Variants in HYDIN observed in about 807,000 individuals in gnomAD.
The protein encoded by HYDIN is HYDIN axonemal central pair apparatus protein.
In HYDIN, 132 loss-of-function variants were observed where a neutral mutation model predicts 403.9. The ratio of observed to expected loss-of-function variants is 0.33; its 90% CI spans 0.28 to 0.38. The LOEUF is 0.38. Ranked by LOEUF, HYDIN falls within the 10% of genes least tolerant of loss-of-function variation. The pLI is 1.00. For synonymous variants in HYDIN, 1,202 were observed against 1,891.7 expected, an observed-to-expected ratio of 0.64 and a Z score of 9.46; for missense variants, 2,827 against 5,009.5, an observed-to-expected ratio of 0.56 and a Z score of 13.15.
chr16:70,947,685 A>G (rs1358390446), intron 41 of HYDIN, among the ~76,000 whole-genome samples: 1 of 152,198 alleles, frequency 6.6e-6, no homozygotes, highest in East Asian at 1.9e-4. Flanking sequence ...GAGCCAAACC[A>G]TGAGTGAACT....
At chr16:71,069,989 A>G (rs189391820) in intron 13 of HYDIN, among the ~76,000 whole-genome samples, 246 of 152,350 alleles carry the variant, frequency 1.6e-3, no homozygotes, top group African/African-American at 5.7e-3. Flanking sequence ...TTGCCAAGAC[A>G]TGATAGAGTG....
chr16:71,185,637 C>A (rs745930562), intron 2 of HYDIN, among the ~76,000 whole-genome samples: 6 of 151,972 alleles, frequency 3.9e-5, no homozygotes, highest in Non-Finnish European at 8.8e-5. Context: ...ACACAAAATG[C>A]TTTTACCCTT....
intron 41 of HYDIN, among the ~76,000 whole-genome samples, chr16:70,944,151 T>C (rs2077773402): frequency 6.6e-6 from 1 of 152,246 alleles, no homozygotes; most frequent in African/African-American, 2.4e-5. Flanking sequence ...GCATGGAAGG[T>C]ACGTTGTTTG....
chr16:70,859,072 C>A (rs531397384), intron 71 of HYDIN, among the ~76,000 whole-genome samples: 3 of 151,352 alleles, frequency 2.0e-5, no homozygotes, highest in Non-Finnish European at 4.4e-5. Flanking sequence ...GAGGCCGAGA[C>A]GGGCAGATCA....
chr16:70,976,440 T>C (rs549803223), intron 30 of HYDIN, among the ~76,000 whole-genome samples: 657 of 151,482 alleles, frequency 4.3e-3, no homozygotes, highest in African/African-American at 0.015. Flanking sequence ...ATCTTGGTGG[T>C]AATGGAATAG....
chr16:71,217,103 G>A (rs1176889048), intron 1 of HYDIN, among the ~76,000 whole-genome samples: 1 of 152,206 alleles, frequency 6.6e-6, no homozygotes, highest in Admixed American at 6.5e-5. Flanking sequence ...CAGCAAACTT[G>A]CATTGACTGT....
intron 75 of HYDIN, among the ~76,000 whole-genome samples, chr16:70,841,479 A>G (rs1317127356): frequency 6.6e-6 from 1 of 151,748 alleles, no homozygotes; most frequent in Non-Finnish European, 1.5e-5. Flanking sequence ...AGCTTCCCGA[A>G]CTCTCAATGA....
chr16:70,830,122 GA>G (rs1375681393), intron 80 of HYDIN, among the ~76,000 whole-genome samples: 1 of 151,988 alleles, frequency 6.6e-6, no homozygotes, highest in Admixed American at 6.5e-5. Flanking sequence ...GTGGAATGTA[GA>G]GCGTGCAGGA....
chr16:70,997,929 A>T (rs1386314079), intron 23 of HYDIN, among the ~76,000 whole-genome samples: 2 of 151,094 alleles, frequency 1.3e-5, no homozygotes, highest in Non-Finnish European at 2.9e-5. Context: ...CAGTAAGCAC[A>T]ACTGTTTGTA....
chr16:70,981,623 A>G, intron 28 of HYDIN, 55 bp from the exon 29 acceptor site: 2 of 1,500,788 alleles, frequency 1.3e-6, no homozygotes, highest in Non-Finnish European at 1.8e-6. Flanking sequence ...GTACAGGTTC[A>G]ACTCATTAAA....
intron 79 of HYDIN, 68 bp from the exon 80 acceptor site, chr16:70,833,135 G>T: frequency 1.4e-6 from 2 of 1,392,362 alleles, no homozygotes; most frequent in Non-Finnish European, 9.6e-7. Flanking sequence ...CAATGCTACT[G>T]AGAACAAGAG....
chr16:70,968,577 T>C (rs2078651035), intron 36 of HYDIN, among the ~76,000 whole-genome samples: 1 of 152,224 alleles, frequency 6.6e-6, no homozygotes, highest in East Asian at 1.9e-4. Flanking sequence ...CTCCTACTGT[T>C]TGTCAAAGAA....
intron 3 of HYDIN, among the ~76,000 whole-genome samples, chr16:71,182,155 G>A (rs1362710072): frequency 6.6e-6 from 1 of 152,150 alleles, no homozygotes; most frequent in East Asian, 1.9e-4. Flanking sequence ...AGGGAGAAGA[G>A]TAGAAGGCAA....
chr16:70,859,707 G>A lies in HYDIN; in HGVS notation c.12129+361C>T, dbSNP rs537967552. Among the ~76,000 whole-genome samples, 26 of 152,196 alleles carry A rather than the reference G, an allele frequency of 1.7e-4. No homozygotes were observed. In the South Asian group the frequency reaches 2.3e-3, roughly 13 times the overall value. On this transcript the variant is annotated intron_variant, in intron 71 of 85. Coordinates refer to ENST00000393567, the MANE Select transcript of HYDIN (RefSeq NM_001270974.2). ...TTGCCTAACCAAGTAAAAACACATCGTGTCCTTTCACCATTTTTGGTCCTT... is the reference window on the plus strand; with the variant it reads ...TTGCCTAACCAAGTAAAAACACATCATGTCCTTTCACCATTTTTGGTCCTT...
intron 18 of HYDIN, among the ~76,000 whole-genome samples, chr16:71,053,858 T>C (rs1409204101): frequency 1.3e-5 from 2 of 152,280 alleles, no homozygotes; most frequent in Non-Finnish European, 2.9e-5. Flanking sequence ...GTATCAAGTA[T>C]ATCTCTTGAT....
intron 18 of HYDIN, among the ~76,000 whole-genome samples, chr16:71,045,023 C>T (rs977654496): frequency 2.6e-5 from 4 of 151,590 alleles, no homozygotes; most frequent in Non-Finnish European, 5.9e-5. Flanking sequence ...TAGTGTGCAT[C>T]CTTTCAGAGT....
chr16:71,166,144 C>T (rs1043179462), intron 5 of HYDIN, among the ~76,000 whole-genome samples: 1 of 119,244 alleles, frequency 8.4e-6, no homozygotes, highest in Admixed American at 8.9e-5. Context: ...AAGTACTTAG[C>T]CCAGCATTTA....
rs1480977501 is a variant in HYDIN at position 70,902,815 on chromosome 16, ATATATATTTTTTT to A, written c.8849+797_8849+809del. Among the ~76,000 whole-genome samples the A allele has an allele frequency of 3.8e-3, 62 of 16,300 alleles. 4 individuals are homozygous for A. Among genetic ancestry groups the A allele is most frequent in the African/African-American group, 0.014 (55 of 3,904 alleles). The allele number at this position is 16,300 out of a possible 152,430, so 10.7% of individuals were successfully genotyped here. A position where few individuals can be genotyped will look rare whatever the true frequency, so the allele number is the denominator to read the frequency against. ...TTTAAATATATATATATATATATATATATATATTTTTTTTTTTTTTTTTGTCCCACTCTCTCTC... is the reference window on the plus strand; with the variant it reads ...TTTAAATATATATATATATATATATATTTTTTTTTTGTCCCACTCTCTCTC... On this transcript the variant is annotated intron_variant, in intron 52 of 85. Transcript: ENST00000393567.
chr16:70,991,911 C>T (rs531771069), intron 24 of HYDIN, among the ~76,000 whole-genome samples, 159 bp downstream of exon 24: 2 of 152,196 alleles, frequency 1.3e-5, no homozygotes, highest in Admixed American at 6.5e-5. Flanking sequence ...CTCTCCCTAT[C>T]CCAGATGTCT....
Sources: gnomAD v4.1 joint callset for allele counts (sites outside exome capture counted in the v4.1 genomes callset) on GRCh38, gnomAD v4.1.1 for gene constraint, MANE v1.5 for transcripts, NCBI Gene and HGNC (gene_info 2026-07-23, HGNC 2026-07-21) for gene names.